Variants in RAP1GAP2 observed in about 807,000 individuals in gnomAD.
RAP1GAP2 encodes the protein RAP1 GTPase activating protein 2.
A neutral mutation model predicts 95.0 loss-of-function variants in RAP1GAP2; 27 were observed. That is an observed-to-expected ratio of 0.28 (90% CI 0.21 to 0.39). The LOEUF (loss-of-function observed/expected upper bound fraction) is 0.39. Among genes scored for constraint, RAP1GAP2 ranks in the 10% least tolerant of loss-of-function variants. The pLI is 1.00. For synonymous variants in RAP1GAP2, 373 were observed against 380.9 expected, an observed-to-expected ratio of 0.98 and a Z score of 0.24; for missense variants, 771 against 970.0, an observed-to-expected ratio of 0.79 and a Z score of 2.72.
chr17:2,765,841 C>T (rs191196743), intron 1 of RAP1GAP2, among the ~76,000 whole-genome samples: 1 of 152,180 alleles, frequency 6.6e-6, no homozygotes, highest in African/African-American at 2.4e-5. Context: ...TGGTGCTGCG[C>T]CCCTGTAATC....
At chr17:2,829,738 T>C (rs1344997853) in intron 2 of RAP1GAP2, among the ~76,000 whole-genome samples, 1 of 151,968 alleles carries the variant, frequency 6.6e-6, no homozygotes, top group Non-Finnish European at 1.5e-5. Flanking sequence ...GATGTCAGAG[T>C]TAGGGCTGCA....
At chr17:2,850,983 C>T (rs1201964751) in intron 2 of RAP1GAP2, among the ~76,000 whole-genome samples, 2 of 151,898 alleles carry the variant, frequency 1.3e-5, no homozygotes, top group African/African-American at 4.8e-5. Context: ...TCGCTTGAAC[C>T]CAGGAGGTGG....
intron 2 of RAP1GAP2, among the ~76,000 whole-genome samples, chr17:2,865,942 C>T (rs1295674852): frequency 6.6e-6 from 1 of 152,258 alleles, no homozygotes; most frequent in Non-Finnish European, 1.5e-5. Context: ...TTCACTCATT[C>T]AGTTCACCTC....
intron 1 of RAP1GAP2, chr17:2,755,862 G>A: frequency 3.1e-6 from 1 of 325,894 alleles, no homozygotes; most frequent in Non-Finnish European, 5.6e-6. Flanking sequence ...CCAAAGTTTC[G>A]TCCCGGGCTG....
chr17:2,798,502 G>A (rs1430018869), intron 1 of RAP1GAP2, among the ~76,000 whole-genome samples: 2 of 152,170 alleles, frequency 1.3e-5, no homozygotes, highest in Non-Finnish European at 2.9e-5. Context: ...ATCTGGGATG[G>A]CTGTCAGCTG....
intron 3 of RAP1GAP2, among the ~76,000 whole-genome samples, chr17:2,930,926 C>A (rs1054598328): frequency 2.0e-5 from 3 of 152,066 alleles, no homozygotes; most frequent in Non-Finnish European, 4.4e-5. Flanking sequence ...GAGTTTGAGA[C>A]CAGCCTGGCC....
intron 1 of RAP1GAP2, among the ~76,000 whole-genome samples, chr17:2,790,190 G>T (rs1288136945): frequency 6.6e-6 from 1 of 151,692 alleles, no homozygotes; most frequent in Non-Finnish European, 1.5e-5. Context: ...TCAGCTCACT[G>T]CAACCTCCAC....
chr17:2,934,061 A>G (rs2043233366), intron 3 of RAP1GAP2, among the ~76,000 whole-genome samples: 1 of 152,230 alleles, frequency 6.6e-6, no homozygotes, highest in African/African-American at 2.4e-5. Context: ...ACAGCCACGG[A>G]TGGCGTCCGT....
chr17:2,937,542 G>T (rs912861942), intron 3 of RAP1GAP2, among the ~76,000 whole-genome samples: 1 of 152,178 alleles, frequency 6.6e-6, no homozygotes, highest in African/African-American at 2.4e-5. Flanking sequence ...CCAGCAGCAC[G>T]TGCAGGAGGG....
chr17:2,814,935 A>ACGAGCT (rs1462936929), intron 2 of RAP1GAP2, among the ~76,000 whole-genome samples: 16 of 151,934 alleles, frequency 1.1e-4, no homozygotes, highest in Admixed American at 8.5e-4. Context: ...GCTTTGTTCT[A>ACGAGCT]CGAGCTCGGG....
intron 18 of RAP1GAP2, 74 bp from the exon 19 acceptor site, chr17:3,020,403 C>A: frequency 8.2e-7 from 1 of 1,218,970 alleles, no homozygotes; most frequent in Non-Finnish European, 1.2e-6. Flanking sequence ...CATTTGTAGA[C>A]CAGGGAGGAG....
intron 17 of RAP1GAP2, among the ~76,000 whole-genome samples, chr17:3,009,563 C>T (rs374679987): frequency 5.3e-5 from 8 of 152,308 alleles, no homozygotes; most frequent in South Asian, 2.1e-4. Context: ...AGATTCCACC[C>T]GCACTAGCCT....
chr17:2,964,089 C>T, intron 7 of RAP1GAP2, 21 bp downstream of exon 7: 1 of 1,568,674 alleles, frequency 6.4e-7, no homozygotes, highest in South Asian at 1.1e-5. Flanking sequence ...GGGAGAGGAG[C>T]TGCTGGGGGT....
At chr17:2,992,056 G>C (rs779119550) in intron 12 of RAP1GAP2, among the ~76,000 whole-genome samples, 1 of 152,120 alleles carries the variant, frequency 6.6e-6, no homozygotes, top group East Asian at 1.9e-4. Context: ...GTGAGCCGCC[G>C]CGCCTGGCCT....
chr17:2,911,966 A>C (rs1489426036), intron 3 of RAP1GAP2, among the ~76,000 whole-genome samples: 5 of 151,986 alleles, frequency 3.3e-5, no homozygotes, highest in Non-Finnish European at 7.4e-5. Flanking sequence ...AGCCTTCCAC[A>C]CCCCTCTTTG....
At chr17:2,969,017 A>G (rs2044734383) in intron 8 of RAP1GAP2, among the ~76,000 whole-genome samples, 1 of 152,044 alleles carries the variant, frequency 6.6e-6, no homozygotes, top group Non-Finnish European at 1.5e-5. Flanking sequence ...GTATATGTAT[A>G]TGTACACATG....
chr17:2,963,819 G>A lies in RAP1GAP2; in HGVS notation c.280-37G>A. ...CCACCGGCCCCCTCCCTCCCCTGCGGTCCCAGGGGAGCGCACGACCCTCCC... is the reference window on the plus strand; with the variant it reads ...CCACCGGCCCCCTCCCTCCCCTGCGATCCCAGGGGAGCGCACGACCCTCCC... On this transcript the variant is annotated intron_variant, in intron 6 of 24. Coordinates refer to ENST00000254695, the MANE Select transcript of RAP1GAP2 (RefSeq NM_015085.5). The surrounding 1 kb of genome is among the most constrained non-coding windows in gnomAD (Gnocchi z 4.8). 1 of 1,493,122 alleles carries A rather than the reference G, an allele frequency of 6.7e-7. No individual in the cohort carries two copies. Among genetic ancestry groups the A allele is most frequent in the Non-Finnish European group, 9.1e-7 (1 of 1,103,426 alleles). The allele number at this position is 1,493,122 out of a possible 1,614,324, so 92.5% of individuals were successfully genotyped here. A position where few individuals can be genotyped will look rare whatever the true frequency, so the allele number is the denominator to read the frequency against.
intron 2 of RAP1GAP2, among the ~76,000 whole-genome samples, chr17:2,834,099 C>A (rs1597399005): frequency 6.6e-6 from 1 of 152,284 alleles, no homozygotes; most frequent in East Asian, 1.9e-4. Context: ...TAACCTCGAC[C>A]TTCTCCTTTT....
At chr17:2,881,125 G>T (rs12942807) in intron 2 of RAP1GAP2, among the ~76,000 whole-genome samples, 32,688 of 151,988 alleles carry the variant, frequency 0.22, 3,621 homozygotes, top group African/African-American at 0.27. Context: ...GCTGGGCATG[G>T]TGGTGCACGC....
Sources: allele counts gnomAD v4.1 joint callset (sites outside exome capture counted in the v4.1 genomes callset), GRCh38; gene constraint gnomAD v4.1.1; non-coding constraint Gnocchi (gnomAD v3.1); transcripts MANE v1.5; gene names NCBI Gene and HGNC (gene_info 2026-07-23, HGNC 2026-07-21).